The following MCPH1 variants were observed in gnomAD, a reference collection of about 807,000 sequenced individuals.
The protein encoded by MCPH1 is microcephalin.
Under a neutral mutation model 84.5 loss-of-function variants are expected in MCPH1, and 104 were observed. That is an observed-to-expected ratio of 1.23 (90% CI 1.05 to 1.45). MCPH1 has a LOEUF of 1.45. Among genes scored for constraint, MCPH1 ranks in the 40% most tolerant of loss-of-function variants. MCPH1 has a pLI of 0.00. For synonymous variants in MCPH1, 514 were observed against 366.8 expected (o/e 1.40, Z -4.58); for missense variants, 1,498 against 1,005.7 (o/e 1.49, Z -6.62).
At chr8:6,410,863 G>C (rs1798439076) in intron 2 of MCPH1, among the ~76,000 whole-genome samples, 1 of 152,112 alleles carries the variant, frequency 6.6e-6, no homozygotes, top group African/African-American at 2.4e-5. Flanking sequence ...GCCAAGGCAG[G>C]CGGATCACCT....
intron 13 of MCPH1, among the ~76,000 whole-genome samples, chr8:6,638,284 G>C (rs1797700198): frequency 6.6e-6 from 1 of 152,200 alleles, no homozygotes; most frequent in Admixed American, 6.5e-5. Context: ...GAGTGGAGAT[G>C]TGGCTAGATC....
intron 12 of MCPH1, among the ~76,000 whole-genome samples, chr8:6,507,356 T>C (rs1256026759): frequency 6.6e-6 from 1 of 152,236 alleles, no homozygotes; most frequent in East Asian, 1.9e-4. Context: ...TTATGTTCTC[T>C]AGAAATTAAA....
chr8:6,604,750 C>G (rs771404169), intron 12 of MCPH1, among the ~76,000 whole-genome samples: 6 of 152,252 alleles, frequency 3.9e-5, no homozygotes, highest in African/African-American at 7.2e-5. Context: ...GGGGATCTGC[C>G]TGCCTCGGCC....
rs375073194 is a variant in MCPH1 at position 6,608,256 on chromosome 8, CA to C, written c.2215-13197del. The stretch of plus-strand genomic sequence containing the variant: ...CCTGCCCGTGCTTACCGGCTGGTGG[CA>C]GGGGGGCTGAGCAGGTGTTGAGGTG... On this transcript the variant is annotated intron_variant, in intron 12 of 13. Transcript: ENST00000344683. 5.2e-4 allele frequency among the ~76,000 whole-genome samples: 79 copies of C among 152,300 alleles called. 2 individuals are homozygous for C. In the South Asian group the frequency reaches 0.016, roughly 30 times the overall value.
At chr8:6,443,410 G>T (rs1312563386) in intron 7 of MCPH1, among the ~76,000 whole-genome samples, 1 of 152,254 alleles carries the variant, frequency 6.6e-6, no homozygotes, top group Admixed American at 6.5e-5. Flanking sequence ...GGCACAGTTG[G>T]AAGGGAAGCT....
intron 12 of MCPH1, among the ~76,000 whole-genome samples, chr8:6,550,042 G>A (rs1385809436): frequency 1.3e-5 from 2 of 152,226 alleles, no homozygotes; most frequent in African/African-American, 2.4e-5. Context: ...AATGGAAGAT[G>A]TGCCTGCTGT....
chr8:6,570,175 T>C (rs1303347165), intron 12 of MCPH1, among the ~76,000 whole-genome samples: 2 of 152,248 alleles, frequency 1.3e-5, no homozygotes, highest in African/African-American at 4.8e-5. Context: ...TGGAAGAATA[T>C]GATGTATGTT....
chr8:6,468,594 G>T (rs1022080292), intron 9 of MCPH1, among the ~76,000 whole-genome samples: 5 of 149,216 alleles, frequency 3.4e-5, no homozygotes, highest in Admixed American at 6.7e-5. Flanking sequence ...CAGATGTATT[G>T]TTTGAACACT....
At chr8:6,460,345 G>A (rs190655161) in intron 9 of MCPH1, among the ~76,000 whole-genome samples, 1 of 151,850 alleles carries the variant, frequency 6.6e-6, no homozygotes, top group Admixed American at 6.6e-5. Flanking sequence ...GTTTTAACAT[G>A]TATTATTTTT....
At chr8:6,433,400 A>AGGC (rs1802130450) in intron 4 of MCPH1, among the ~76,000 whole-genome samples, 1 of 152,144 alleles carries the variant, frequency 6.6e-6, no homozygotes, top group African/African-American at 2.4e-5. Context: ...CAGAAGGCCA[A>AGGC]GGCGGGCAAA....
intron 12 of MCPH1, among the ~76,000 whole-genome samples, chr8:6,511,870 A>T (rs1815187916): frequency 6.6e-6 from 1 of 151,802 alleles, no homozygotes; most frequent in South Asian, 2.1e-4. Context: ...CTTTTTATAC[A>T]AACAGCCTAA....
At chr8:6,484,972 A>T (rs1413905170) in intron 11 of MCPH1, among the ~76,000 whole-genome samples, 1 of 152,236 alleles carries the variant, frequency 6.6e-6, no homozygotes, top group Non-Finnish European at 1.5e-5. Context: ...ATTAAAACAC[A>T]GAGAACTGTA....
At chr8:6,610,574 A>G (rs1040199226) in intron 12 of MCPH1, among the ~76,000 whole-genome samples, 1 of 152,242 alleles carries the variant, frequency 6.6e-6, no homozygotes, top group Admixed American at 6.5e-5. Flanking sequence ...GAAAAAGAAC[A>G]GCATCTATCT....
chr8:6,592,623 G>GTTTTTTTTTTTTTTTTTTTTTTTTT (rs573651366), intron 12 of MCPH1, among the ~76,000 whole-genome samples: 4 of 77,558 alleles, frequency 5.2e-5, no homozygotes, highest in Admixed American at 1.6e-4. Flanking sequence ...TCTTTTTTTT[G>GTTTTTTTTTTTTTTTTTTTTTTTTT]TTTTTTTTTT....
chr8:6,640,172 T>C (rs1754683946), intron 13 of MCPH1, among the ~76,000 whole-genome samples: 1 of 151,724 alleles, frequency 6.6e-6, no homozygotes, highest in Non-Finnish European at 1.5e-5. Flanking sequence ...TTTTAAGAGA[T>C]TTTCTTGAGC....
At chr8:6,623,018 T>C (rs1200166834) in intron 13 of MCPH1, among the ~76,000 whole-genome samples, 14 of 145,718 alleles carry the variant, frequency 9.6e-5, no homozygotes, top group African/African-American at 3.0e-4. Context: ...ACTTTCTTTT[T>C]TTTTTTTTTT....
chr8:6,535,927 C>A (rs1010693135), intron 12 of MCPH1, among the ~76,000 whole-genome samples: 1 of 151,110 alleles, frequency 6.6e-6, no homozygotes, highest in Non-Finnish European at 1.5e-5. Context: ...CCTGGTAGTG[C>A]GAGCCTGTAG....
intron 12 of MCPH1, among the ~76,000 whole-genome samples, chr8:6,593,344 A>G (rs1001610628): frequency 6.6e-6 from 1 of 150,732 alleles, no homozygotes; most frequent in African/African-American, 2.4e-5. Flanking sequence ...CGGCCTCCCA[A>G]CCTGCTGGGA....
At chr8:6,475,950 G>A (rs1450793045) in intron 9 of MCPH1, among the ~76,000 whole-genome samples, 1 of 152,136 alleles carries the variant, frequency 6.6e-6, no homozygotes, top group African/African-American at 2.4e-5. Context: ...CAACCCCATT[G>A]AGGACTGGGG....
Sources: allele counts gnomAD v4.1 joint callset (sites outside exome capture counted in the v4.1 genomes callset), GRCh38; gene constraint gnomAD v4.1.1; transcripts MANE v1.5; gene names NCBI Gene and HGNC (gene_info 2026-07-23, HGNC 2026-07-21).